ARHGEF4: variants seen among roughly 807,000 people sequenced by gnomAD.
The protein encoded by ARHGEF4 is Rho guanine nucleotide exchange factor 4, also known as APC-stimulated guanine nucleotide exchange factor 1.
A neutral mutation model predicts 162.0 loss-of-function variants in ARHGEF4; 119 were observed. That is an observed-to-expected ratio of 0.73 (90% CI 0.63 to 0.86). The LOEUF (loss-of-function observed/expected upper bound fraction) is 0.86. Among genes scored for constraint, ARHGEF4 ranks in the 40% least tolerant of loss-of-function variants. ARHGEF4 has a pLI of 0.00. For missense variants in ARHGEF4, 2,488 were observed against 2,456.0 expected (o/e 1.01, Z -0.28); for synonymous variants, 1,014 against 979.9 (o/e 1.03, Z -0.65).
At chr2:131,041,078 C>T (rs1690778754) in intron 8 of ARHGEF4, 152 bp from the exon 9 acceptor site, 1 of 663,070 alleles carries the variant, frequency 1.5e-6, no homozygotes, top group African/African-American at 1.8e-5. Context: ...AGCTTATGCC[C>T]CAGGGAAATA....
At chr2:130,908,600 CGGG>C (rs1359942498) in intron 1 of ARHGEF4, among the ~76,000 whole-genome samples, 5 of 152,002 alleles carry the variant, frequency 3.3e-5, no homozygotes, top group Non-Finnish European at 7.4e-5. Context: ...CACTTGAACC[CGGG>C]AGGTGGACGT....
intron 5 of ARHGEF4, among the ~76,000 whole-genome samples, chr2:131,037,697 G>C (rs536969993): frequency 1.3e-4 from 20 of 152,368 alleles, no homozygotes; most frequent in African/African-American, 4.6e-4. Flanking sequence ...GAGAAAGCAG[G>C]GGTCAGCCCC....
chr2:130,850,112 T>A (rs1681296499), intron 1 of ARHGEF4, among the ~76,000 whole-genome samples: 1 of 152,092 alleles, frequency 6.6e-6, no homozygotes, highest in Admixed American at 6.5e-5. Flanking sequence ...GTCAACCTCC[T>A]GGCCCCATGG....
In ARHGEF4 at chr2:130,946,540, A is replaced by T. The variant is rs766828139; in HGVS notation, c.3890A>T (p.Glu1297Val). 1 of 1,613,726 alleles carries T rather than the reference A, an allele frequency of 6.2e-7. No homozygotes were observed. The highest frequency in any genetic ancestry group is 1.3e-5 in the African/African-American group (1 of 74,858). ...CWRKTIITSPESLNLPRRSHP... is the reference protein window; with the variant it reads ...CWRKTIITSPVSLNLPRRSHP... ...AGAAAGACGATCATTACCTCTCCAG[A>T]GTCTTTGAATCTCCCTAGAAGAAGC... The change falls in exon 4 of 14, where the codon GAG becomes GTG. Residue 1297 changes from glutamate to valine, a missense_variant. Glu to Val is a moderately radical substitution (Grantham distance 121). Around this residue, in one of 6 missense-constraint regions of ARHGEF4, gnomAD observed 1,642 missense variants for 1,481.5 expected, o/e 1.11. Transcript: ENST00000409359.
chr2:130,962,016 G>A (rs1054482947), intron 4 of ARHGEF4, among the ~76,000 whole-genome samples: 13 of 152,208 alleles, frequency 8.5e-5, no homozygotes, highest in Admixed American at 1.3e-4. Context: ...CGAGGCGGGC[G>A]GATCACGAGG....
At chr2:131,009,882 C>G (rs889201320) in intron 4 of ARHGEF4, among the ~76,000 whole-genome samples, 2 of 152,170 alleles carry the variant, frequency 1.3e-5, no homozygotes, top group Admixed American at 1.3e-4. Context: ...CTTCATATGT[C>G]TAGTAAATTT....
In ARHGEF4 at chr2:130,937,979, T is replaced by A. The variant is rs189205018; in HGVS notation, c.3858+6722T>A. 1.3e-3 allele frequency among the ~76,000 whole-genome samples: 205 copies of A among 152,288 alleles called. 1 individual carries two copies. Among genetic ancestry groups the A allele is most frequent in the Middle Eastern group, 0.01 (3 of 294 alleles). On this transcript the variant is annotated intron_variant, in intron 3 of 13. Coordinates refer to ENST00000409359, the MANE Select transcript of ARHGEF4 (RefSeq NM_001367493.1). ...ACTGCACCCGGCCTTTGTATCATAA[T>A]TTTTTGTTGAAAACTGGGCATCTTG...
intron 1 of ARHGEF4, among the ~76,000 whole-genome samples, chr2:130,907,037 G>T (rs1680855640): frequency 6.6e-6 from 1 of 152,026 alleles, no homozygotes; most frequent in African/African-American, 2.4e-5. Flanking sequence ...CTAGTCCCCA[G>T]TCCCCAGCCC....
intron 4 of ARHGEF4, among the ~76,000 whole-genome samples, chr2:130,948,139 G>A (rs1281246371): frequency 6.6e-6 from 1 of 152,192 alleles, no homozygotes; most frequent in East Asian, 1.9e-4. Flanking sequence ...CTGGAGTTTG[G>A]CATGTGCCTT....
intron 5 of ARHGEF4, 145 bp downstream of exon 5, chr2:131,028,229 T>C (rs1689612016): frequency 1.6e-6 from 2 of 1,215,996 alleles, no homozygotes; most frequent in South Asian, 1.5e-5. Context: ...AGTTTCAGCC[T>C]GCAGTCCTCA....
At position 131,008,645 on chromosome 2, in the gene ARHGEF4, T is replaced by TA. The variant is rs138646291; in HGVS notation, c.3986-19293dup. Among the ~76,000 whole-genome samples, 1,178 of 152,200 alleles carry TA rather than the reference T, an allele frequency of 7.7e-3. 9 individuals are homozygous for TA. Among genetic ancestry groups the TA allele is most frequent in the African/African-American group, 0.018 (751 of 41,538 alleles). On this transcript the variant is annotated intron_variant, in intron 4 of 13. Coordinates refer to ENST00000409359, the MANE Select transcript of ARHGEF4 (RefSeq NM_001367493.1). ...TGTTTTGGATTAATTGGATCTTTTT[T>TA]AAAAAAATCCTATCTTTATTATTGG...
intron 1 of ARHGEF4, among the ~76,000 whole-genome samples, chr2:130,884,673 G>C (rs1679402426): frequency 6.6e-6 from 1 of 152,136 alleles, no homozygotes; most frequent in Admixed American, 6.5e-5. Flanking sequence ...GCGATAACAA[G>C]TAACCATGAT....
Position 130,931,125 on chromosome 2 carries a change from G to A in ARHGEF4, c.3726G>A (p.Arg1242=). ...TVRGEAPSQP[R]GIPHRSPVSV... ...GTGGGGAGGCTCCTTCACAGCCTAGGGGCATCCCTCACCGCTCGCCCGTCA... is the reference window on the plus strand; with the variant it reads ...GTGGGGAGGCTCCTTCACAGCCTAGAGGCATCCCTCACCGCTCGCCCGTCA... The change falls in exon 3 of 14, where the codon AGG becomes AGA. Residue 1242 remains arginine (R), a synonymous_variant. Transcript: ENST00000409359. 1 of 1,614,184 alleles carries A rather than the reference G, an allele frequency of 6.2e-7. No homozygotes were observed. The highest frequency in any genetic ancestry group is 8.5e-7 in the Non-Finnish European group (1 of 1,180,022).
intron 2 of ARHGEF4, among the ~76,000 whole-genome samples, chr2:130,918,973 A>C (rs889463078): frequency 6.6e-6 from 1 of 152,142 alleles, no homozygotes; most frequent in Non-Finnish European, 1.5e-5. Context: ...CCCTATACTA[A>C]GGTGTCTCAT....
intron 13 of ARHGEF4, 104 bp downstream of exon 13, chr2:131,045,550 G>A: frequency 2.5e-6 from 4 of 1,610,756 alleles, no homozygotes; most frequent in Middle Eastern, 1.7e-4. Context: ...CACCAGGCCT[G>A]AGGGGGGCCC....
Position 131,040,202 on chromosome 2 carries a change from G to A in ARHGEF4, c.4482+10G>A. On this transcript the variant is annotated intron_variant, in intron 7 of 13. Coordinates refer to ENST00000409359, the MANE Select transcript of ARHGEF4 (RefSeq NM_001367493.1). ...GCGCGACATCTGCGAGGTGAGGCCC[G>A]GCCGGCGGGCGGTGACTGGGGACCC... The A allele has an allele frequency of 6.2e-7, 1 of 1,608,812 alleles. No individual in the cohort carries two copies. The highest frequency in any genetic ancestry group is 8.5e-7 in the Non-Finnish European group (1 of 1,176,870).
At chr2:130,925,079 T>TGTGC (rs1353241103) in intron 2 of ARHGEF4, among the ~76,000 whole-genome samples, 120 of 132,278 alleles carry the variant, frequency 9.1e-4, no homozygotes, top group Non-Finnish European at 1.5e-3. Flanking sequence ...TGTGTGTGTG[T>TGTGC]GCGTCTGAGA....
chr2:130,964,369 A>G, intron 4 of ARHGEF4: 1 of 505,188 alleles, frequency 2.0e-6, no homozygotes, highest in Non-Finnish European at 2.5e-6. Context: ...TGTCGTTTCC[A>G]TCTCCTGGTC....
intron 2 of ARHGEF4, 60 bp downstream of exon 2, chr2:130,917,558 G>A: frequency 6.8e-7 from 1 of 1,480,876 alleles, no homozygotes; most frequent in Non-Finnish European, 9.0e-7. Flanking sequence ...AAGGAGGGGA[G>A]CAGGCGGGAA....
Sources: allele counts gnomAD v4.1 joint callset (sites outside exome capture counted in the v4.1 genomes callset), GRCh38; gene constraint gnomAD v4.1.1; regional missense constraint gnomAD v4.1.1; transcripts MANE v1.5; gene names NCBI Gene and HGNC (gene_info 2026-07-23, HGNC 2026-07-21).